The following PRKAG1 variants were observed in gnomAD, a reference collection of about 807,000 sequenced individuals.
PRKAG1 encodes protein kinase AMP-activated non-catalytic subunit gamma 1.
Under a neutral mutation model 48.2 loss-of-function variants are expected in PRKAG1, and 27 were observed. The ratio of observed to expected loss-of-function variants is 0.56; its 90% CI spans 0.41 to 0.77. The LOEUF (loss-of-function observed/expected upper bound fraction) is 0.77, where lower values mean the gene tolerates loss of function less well. Ranked by LOEUF, PRKAG1 falls within the 30% of genes least tolerant of loss-of-function variation. The pLI is 0.00. For synonymous variants in PRKAG1, 130 were observed against 147.7 expected, an observed-to-expected ratio of 0.88 and a Z score of 0.87; for missense variants, 287 against 398.3, an observed-to-expected ratio of 0.72 and a Z score of 2.38.
intron 1 of PRKAG1, chr12:49,017,254 G>A (rs1451227888): frequency 2.2e-6 from 1 of 454,804 alleles, no homozygotes; most frequent in Non-Finnish European, 4.4e-6. Flanking sequence ...AGACTGGAGT[G>A]CAGTGGCATG....
intron 2 of PRKAG1, chr12:49,008,647 T>C (rs947573277): frequency 1.3e-5 from 2 of 152,210 alleles, no homozygotes; most frequent in Non-Finnish European, 2.9e-5. Flanking sequence ...CCTTGCAGCC[T>C]GTAGATATCT....
chr12:49,004,859 G>GTGTGTGTGTA, intron 7 of PRKAG1, 105 bp downstream of exon 7: 1 of 1,047,284 alleles, frequency 9.5e-7, no homozygotes, highest in South Asian at 1.4e-5. Flanking sequence ...GTGTGTGTGT[G>GTGTGTGTGTA]TGTCTTTTCT....
chr12:49,012,328 G>A (rs1487865200), intron 2 of PRKAG1, among the ~76,000 whole-genome samples: 2 of 151,726 alleles, frequency 1.3e-5, no homozygotes, highest in African/African-American at 4.8e-5. Flanking sequence ...GAGGTTTAGT[G>A]CTTCTATTAC....
intron 2 of PRKAG1, among the ~76,000 whole-genome samples, chr12:49,011,729 A>AT (rs1187767371): frequency 1.3e-5 from 2 of 151,144 alleles, no homozygotes; most frequent in Non-Finnish European, 2.9e-5. Context: ...AGCCCAGCTA[A>AT]TTTTTTCTAC....
intron 2 of PRKAG1, among the ~76,000 whole-genome samples, chr12:49,007,025 C>T (rs1289435047): frequency 2.0e-5 from 3 of 151,758 alleles, no homozygotes; most frequent in Admixed American, 6.6e-5. Context: ...GTGGCTCACA[C>T]CTGTAACCCA....
chr12:49,014,702 A>T (rs1344934879), intron 1 of PRKAG1, among the ~76,000 whole-genome samples: 1 of 152,256 alleles, frequency 6.6e-6, no homozygotes, highest in Middle Eastern at 3.2e-3. Flanking sequence ...TGTGAGTCAA[A>T]GGCTGCTATA....
chr12:49,018,683 G>T (rs749043443), intron 1 of PRKAG1, 49 bp downstream of exon 1: 2 of 1,613,298 alleles, frequency 1.2e-6, no homozygotes, highest in East Asian at 2.2e-5. Flanking sequence ...GGGTTGGGGG[G>T]GTGTCTTAGG....
rs200706669 is a variant in PRKAG1 at position 49,005,776 on chromosome 12, G to A, written c.135C>T (p.Ser45=). ...SHRCYDLIPT[S]SKLVVFDTSL... ...ACGTATCAAATACAACCAATTTGGA[G>A]CTTGTGGGAATCAGGTCATAGCAGC... The change falls in exon 3 of 12, where the codon AGC becomes AGT. Residue 45 remains serine, a synonymous_variant. Coordinates refer to ENST00000548065, the MANE Select transcript of PRKAG1 (RefSeq NM_002733.5). This position sits in a 1 kb window ranked among gnomAD's most constrained non-coding sequence, Gnocchi z 4.1. 2.0e-4 allele frequency: 321 copies of A among 1,613,994 alleles called. No homozygotes were observed. The highest frequency in any genetic ancestry group is 2.7e-4 in the Non-Finnish European group (313 of 1,179,998).
At chr12:49,012,503 T>G (rs1215011809) in intron 2 of PRKAG1, 2 of 152,368 alleles carry the variant, frequency 1.3e-5, no homozygotes, top group Non-Finnish European at 2.9e-5. Flanking sequence ...GCCTCCCAAG[T>G]AGCTGGGATT....
chr12:49,005,757 C>G lies in PRKAG1; in HGVS notation c.154G>C (p.Asp52His). The G allele has an allele frequency of 2.5e-6, 4 of 1,613,864 alleles. No homozygotes were observed. Among genetic ancestry groups the G allele is most frequent in the Non-Finnish European group, 3.4e-6 (4 of 1,179,790 alleles). Residue 52 changes from aspartate (D) to histidine (H), a missense_variant, in exon 3 of 12, where the codon GAT (aspartate) becomes CAT (histidine). Coordinates refer to ENST00000548065, the MANE Select transcript of PRKAG1 (RefSeq NM_002733.5). This position sits in a 1 kb window ranked among gnomAD's most constrained non-coding sequence, Gnocchi z 4.1. ...IPTSSKLVVF[D>H]TSLQVKKAFF... ...ATTTCACCCACCTGCAGGGACGTATCAAATACAACCAATTTGGAGCTTGTG... is the reference window on the plus strand; with the variant it reads ...ATTTCACCCACCTGCAGGGACGTATGAAATACAACCAATTTGGAGCTTGTG...
chr12:49,003,478 ACTCC>A, intron 10 of PRKAG1, 76 bp downstream of exon 10: 1 of 1,336,294 alleles, frequency 7.5e-7, no homozygotes, highest in South Asian at 1.2e-5. Context: ...CACAGAAGAG[ACTCC>A]CTTCTCCCTC....
chr12:49,013,176 G>C lies in PRKAG1; in HGVS notation c.10-66C>G. On this transcript the variant is annotated intron_variant, in intron 1 of 11. Transcript: ENST00000548065. ...ATCCATTTTAGCCTAGCAACATTAG[G>C]GGAAGGGCTGGTGAACAAATAATGA... 2.9e-6 allele frequency: 4 copies of C among 1,367,464 alleles called. No individual in the cohort carries two copies. In the East Asian group the frequency reaches 9.2e-5, roughly 31 times the overall value. 84.7% of individuals were successfully genotyped at this position (1,367,464 alleles called of 1,614,324 possible).
intron 2 of PRKAG1, among the ~76,000 whole-genome samples, chr12:49,010,864 GAC>G (rs1941731175): frequency 6.8e-6 from 1 of 146,404 alleles, no homozygotes; most frequent in African/African-American, 2.5e-5. Context: ...TTTTTTTTGA[GAC>G]AGAGTCTTGC....
rs368327481 is a variant in PRKAG1 at position 49,002,872 on chromosome 12, T to C, written c.*27A>G. The C allele has an allele frequency of 6.3e-7, 1 of 1,588,784 alleles. No individual in the cohort carries two copies. Among genetic ancestry groups the C allele is most frequent in the Non-Finnish European group, 8.6e-7 (1 of 1,157,780 alleles). On this transcript the variant is annotated 3_prime_UTR_variant, in exon 12 of 12. Coordinates refer to ENST00000548065, the MANE Select transcript of PRKAG1 (RefSeq NM_002733.5). ...CAGGCAGTGAGTTGGGCATATCCCC[T>C]GGTGCTGCATGACCCCTTCCCCCAG...
chr12:49,003,132 TG>T lies in PRKAG1; in HGVS notation c.888+11del. On this transcript the variant is annotated intron_variant, in intron 11 of 11. Transcript: ENST00000548065. The stretch of plus-strand genomic sequence containing the variant: ...CTCCCCTCAGCTCCTTTAGGGTTGC[TG>T]GCCTCCCTACCTCTGCTTCCACTAG... The T allele has an allele frequency of 6.2e-7, 1 of 1,614,094 alleles. No homozygotes were observed.
intron 2 of PRKAG1, among the ~76,000 whole-genome samples, chr12:49,007,992 T>C (rs112584782): frequency 0.045 from 6,901 of 151,974 alleles, 501 homozygotes; most frequent in African/African-American, 0.15. Context: ...CGCAAGTAGC[T>C]GGGGTTACAG....
At chr12:49,004,353 T>C (rs1941428261) in intron 8 of PRKAG1, 154 bp downstream of exon 8, 9 of 934,230 alleles carry the variant, frequency 9.6e-6, no homozygotes, top group East Asian at 5.0e-5. Context: ...CCTGTAATCC[T>C]AGCACTTTGG....
chr12:49,012,975 G>A (rs1317198489), intron 2 of PRKAG1, 87 bp downstream of exon 2: 1 of 1,356,054 alleles, frequency 7.4e-7, no homozygotes, highest in Non-Finnish European at 1.0e-6. Flanking sequence ...GATTTTTCCA[G>A]GGGAGAGATT....
intron 2 of PRKAG1, 154 bp downstream of exon 2, chr12:49,012,908 C>G: frequency 1.5e-6 from 1 of 687,942 alleles, no homozygotes. Flanking sequence ...CCTGGGTGAT[C>G]TTGCCAAACT....
Sources: allele counts gnomAD v4.1 joint callset (sites outside exome capture counted in the v4.1 genomes callset), GRCh38; gene constraint gnomAD v4.1.1; non-coding constraint Gnocchi (gnomAD v3.1); transcripts MANE v1.5; gene names NCBI Gene and HGNC (gene_info 2026-07-23, HGNC 2026-07-21).